RNF220: variants seen among roughly 807,000 people sequenced by gnomAD.
RNF220 encodes ring finger protein 220.
In RNF220, 7 loss-of-function variants were observed where a neutral mutation model predicts 67.1. The observed-to-expected ratio is 0.10, with a 90% CI of 0.06 to 0.20. The LOEUF is 0.20. RNF220 is among the 10% of genes least tolerant of loss of function. The pLI, the probability that RNF220 is intolerant of heterozygous loss-of-function variation, is 1.00. For missense variants in RNF220, 565 were observed against 740.3 expected (o/e 0.76, Z 2.75); for synonymous variants, 270 against 283.2 (o/e 0.95, Z 0.47).
chr1:44,469,125 GA>G lies in RNF220; in HGVS notation c.625+56408del, dbSNP rs369441463. Among the ~76,000 whole-genome samples, 477 of 152,210 alleles carry G rather than the reference GA, an allele frequency of 3.1e-3. 4 individuals are homozygous for G. Among genetic ancestry groups the G allele is most frequent in the South Asian group, 0.021 (103 of 4,810 alleles). ...AAATATAAATGGCCAATAATCATAT[GA>G]AAAAGATGCCTAATTTATATATTAT... On this transcript the variant is annotated intron_variant, in intron 2 of 14. Transcript: ENST00000361799.
chr1:44,567,177 C>T (rs1664087880), intron 2 of RNF220, among the ~76,000 whole-genome samples: 1 of 152,066 alleles, frequency 6.6e-6, no homozygotes, highest in South Asian at 2.1e-4. Flanking sequence ...AGGTGGGATG[C>T]TCTTGCTCAT....
chr1:44,522,322 A>G (rs1660004587), intron 2 of RNF220, among the ~76,000 whole-genome samples: 1 of 152,206 alleles, frequency 6.6e-6, no homozygotes, highest in African/African-American at 2.4e-5. Flanking sequence ...AAGTAGGACT[A>G]ATAATATCCA....
At chr1:44,639,505 C>T (rs1408563405) in intron 8 of RNF220, among the ~76,000 whole-genome samples, 1 of 152,246 alleles carries the variant, frequency 6.6e-6, no homozygotes, top group East Asian at 1.9e-4. Flanking sequence ...TGGAAGCCTG[C>T]AGCTGTATCT....
intron 2 of RNF220, among the ~76,000 whole-genome samples, chr1:44,509,129 C>T (rs766655566): frequency 6.6e-5 from 10 of 152,222 alleles, no homozygotes; most frequent in Admixed American, 2.0e-4. Context: ...GTCCCATTTA[C>T]GGGTGTGAAA....
intron 2 of RNF220, among the ~76,000 whole-genome samples, chr1:44,529,639 G>A (rs1408529048): frequency 1.3e-5 from 2 of 152,118 alleles, no homozygotes; most frequent in African/African-American, 4.8e-5. Context: ...GCCTCCCAAA[G>A]TGCTGGGATT....
chr1:44,573,009 G>A (rs1254761500), intron 2 of RNF220: 2 of 406,790 alleles, frequency 4.9e-6, no homozygotes, highest in Non-Finnish European at 1.0e-5. Flanking sequence ...AAAGAAGAAA[G>A]CACGCAGGAG....
chr1:44,601,911 T>A (rs1666949732), intron 2 of RNF220, among the ~76,000 whole-genome samples: 1 of 152,034 alleles, frequency 6.6e-6, no homozygotes, highest in Non-Finnish European at 1.5e-5. Flanking sequence ...GGAGAATAGT[T>A]GGGTTGTGGA....
At chr1:44,497,676 T>A (rs1657459652) in intron 2 of RNF220, among the ~76,000 whole-genome samples, 1 of 152,196 alleles carries the variant, frequency 6.6e-6, no homozygotes. Flanking sequence ...CTCGTGAGTA[T>A]GTGATCATCC....
In RNF220 at chr1:44,600,401, G is replaced by A. The variant is rs766324002; in HGVS notation, c.626-13764G>A. 4.6e-5 allele frequency among the ~76,000 whole-genome samples: 7 copies of A among 152,194 alleles called. No individual in the cohort carries two copies. Among genetic ancestry groups the A allele is most frequent in the Non-Finnish European group, 1.0e-4 (7 of 68,022 alleles). On this transcript the variant is annotated intron_variant, in intron 2 of 14. Coordinates refer to ENST00000361799, the MANE Select transcript of RNF220 (RefSeq NM_018150.4). This position sits in a 1 kb window ranked among gnomAD's most constrained non-coding sequence, Gnocchi z 4.0. ...CTAACATCAGAGGCAGCAGAATAGCGTGACTAAGAGCATGCATGGGGCTGT... is the reference window on the plus strand; with the variant it reads ...CTAACATCAGAGGCAGCAGAATAGCATGACTAAGAGCATGCATGGGGCTGT...
intron 12 of RNF220, among the ~76,000 whole-genome samples, chr1:44,647,301 C>T (rs1364212074): frequency 6.6e-6 from 1 of 152,146 alleles, no homozygotes; most frequent in Non-Finnish European, 1.5e-5. Context: ...TCAGCTTAGT[C>T]CTTGGAGTGG....
intron 2 of RNF220, among the ~76,000 whole-genome samples, chr1:44,413,658 G>GT (rs1188829902): frequency 3.9e-5 from 6 of 152,270 alleles, no homozygotes; most frequent in Non-Finnish European, 7.4e-5. Context: ...AACTGAGGGT[G>GT]TTTTTTCCAC....
At chr1:44,518,863 A>G (rs530925096) in intron 2 of RNF220, among the ~76,000 whole-genome samples, 5 of 151,876 alleles carry the variant, frequency 3.3e-5, no homozygotes, top group Admixed American at 6.6e-5. Context: ...CAACAGAGCA[A>G]GACTCCGTCT....
intron 3 of RNF220, among the ~76,000 whole-genome samples, chr1:44,616,711 C>T (rs1160719187): frequency 6.6e-6 from 1 of 152,060 alleles, no homozygotes; most frequent in Admixed American, 6.5e-5. Context: ...GTGTAATTTG[C>T]TCCCAGAGGA....
intron 2 of RNF220, among the ~76,000 whole-genome samples, chr1:44,564,007 G>A (rs7525212): frequency 1.3e-3 from 196 of 151,990 alleles, no homozygotes; most frequent in Non-Finnish European, 2.5e-3. Flanking sequence ...GATACCTATC[G>A]TGTGAGAATG....
At chr1:44,479,148 C>A (rs1174629953) in intron 2 of RNF220, among the ~76,000 whole-genome samples, 1 of 149,680 alleles carries the variant, frequency 6.7e-6, no homozygotes, top group East Asian at 2.0e-4. Context: ...CAGAGTCTCA[C>A]TCAGTCGCCC....
Position 44,621,056 on chromosome 1 carries a change from C to T in RNF220, c.759-1686C>T, listed in dbSNP as rs1643772983. On this transcript the variant is annotated intron_variant, in intron 3 of 14. Transcript: ENST00000361799. This position sits in a 1 kb window ranked among gnomAD's most constrained non-coding sequence, Gnocchi z 4.8. ...TCAGCCTCCCGAGTAGCTGGGATTA[C>T]AGGCGCCTGCCACCACGCCCAGCTA... 1.3e-5 allele frequency among the ~76,000 whole-genome samples: 2 copies of T among 152,042 alleles called. No homozygotes were observed. The highest frequency in any genetic ancestry group is 4.8e-5 in the African/African-American group (2 of 41,402).
At chr1:44,507,610 C>A (rs912416435) in intron 2 of RNF220, among the ~76,000 whole-genome samples, 1 of 151,856 alleles carries the variant, frequency 6.6e-6, no homozygotes, top group Non-Finnish European at 1.5e-5. Flanking sequence ...TAGGGGGCAA[C>A]AAGTAGCGGG....
intron 8 of RNF220, among the ~76,000 whole-genome samples, chr1:44,639,047 C>T (rs560107256): frequency 3.9e-5 from 6 of 152,310 alleles, no homozygotes; most frequent in Admixed American, 1.3e-4. Flanking sequence ...GAGCCTAGTG[C>T]GCCACCAACA....
chr1:44,613,328 G>A (rs1200162118), intron 2 of RNF220, among the ~76,000 whole-genome samples: 2 of 141,222 alleles, frequency 1.4e-5, no homozygotes, highest in Non-Finnish European at 3.1e-5. Flanking sequence ...CCCCACACCT[G>A]TAAGCAGAGG....
Sources: gnomAD v4.1 joint callset for allele counts (sites outside exome capture counted in the v4.1 genomes callset) on GRCh38, gnomAD v4.1.1 for gene constraint, Gnocchi (gnomAD v3.1) non-coding constraint, MANE v1.5 for transcripts, NCBI Gene and HGNC (gene_info 2026-07-23, HGNC 2026-07-21) for gene names.